Variants in CPSF7 observed in about 807,000 individuals in gnomAD.
CPSF7 encodes cleavage and polyadenylation specificity factor subunit 7.
Under a neutral mutation model 44.3 loss-of-function variants are expected in CPSF7, and 1 was observed. The observed-to-expected ratio is 0.02, with a 90% CI of 0.01 to 0.11. The LOEUF (loss-of-function observed/expected upper bound fraction) is 0.11, where lower values mean the gene tolerates loss of function less well. Ranked by LOEUF, CPSF7 falls within the 10% of genes least tolerant of loss-of-function variation. The probability of loss-of-function intolerance (pLI) is 1.00; values close to 1 mark genes in which losing one functional copy is unlikely to be tolerated. For missense variants in CPSF7, 443 were observed against 607.2 expected, an observed-to-expected ratio of 0.73 and a Z score of 2.84; for synonymous variants, 202 against 222.0, an observed-to-expected ratio of 0.91 and a Z score of 0.80.
At chr11:61,429,639 C>T in intron 1 of CPSF7, 1 of 1,165,752 alleles carries the variant, frequency 8.6e-7, no homozygotes. Flanking sequence ...ACCTGCCTAG[C>T]CCCCAAGGCG....
rs759230141 is a variant in CPSF7 at position 61,429,290 on chromosome 11, A to T, written c.-55T>A. The T allele has an allele frequency of 6.3e-7, 1 of 1,597,764 alleles. No homozygotes were observed. Among genetic ancestry groups the T allele is most frequent in the South Asian group, 1.1e-5 (1 of 90,740 alleles). The stretch of plus-strand genomic sequence containing the variant: ...GGATGGACAAAGTAAGGAAGATGCC[A>T]CTGCGGGATTCGGAAAAATGCAAGA... On this transcript the variant is annotated splice_region_variant and 5_prime_UTR_variant, in exon 2 of 10. Transcript: ENST00000439958.
At chr11:61,420,622 C>T (rs531809889) in intron 3 of CPSF7, 49 bp from the exon 4 acceptor site, 14 of 1,437,640 alleles carry the variant, frequency 9.7e-6, no homozygotes, top group South Asian at 4.6e-5. Context: ...GCTACACCCC[C>T]GCCCGCCAAT....
chr11:61,409,586 T>C (rs1404470910), intron 9 of CPSF7, among the ~76,000 whole-genome samples: 1 of 152,188 alleles, frequency 6.6e-6, no homozygotes, highest in Non-Finnish European at 1.5e-5. Context: ...CCTCTAAACC[T>C]GTTAAAGATA....
chr11:61,412,702 C>A (rs538299849), intron 7 of CPSF7, among the ~76,000 whole-genome samples: 61 of 152,236 alleles, frequency 4.0e-4, no homozygotes, highest in East Asian at 3.9e-3. Flanking sequence ...AGGAGGTAAA[C>A]CTGTATGTAA....
At chr11:61,407,602 G>C (rs1859438868) in intron 9 of CPSF7, among the ~76,000 whole-genome samples, 1 of 152,206 alleles carries the variant, frequency 6.6e-6, no homozygotes. Flanking sequence ...CCTAACTGTT[G>C]ATTCTACATG....
chr11:61,415,295 C>T (rs1860219738), intron 7 of CPSF7, among the ~76,000 whole-genome samples: 1 of 151,964 alleles, frequency 6.6e-6, no homozygotes, highest in African/African-American at 2.4e-5. Context: ...TAAAGAAGAC[C>T]CAGGGTCTAT....
intron 3 of CPSF7, 85 bp downstream of exon 3, chr11:61,421,305 G>A (rs1347220488): frequency 8.5e-7 from 1 of 1,182,854 alleles, no homozygotes; most frequent in Admixed American, 1.9e-5. Flanking sequence ...ACAAAACAGT[G>A]CAACAGTAGT....
At chr11:61,405,195 A>C (rs1279426577) in intron 9 of CPSF7, among the ~76,000 whole-genome samples, 1 of 152,210 alleles carries the variant, frequency 6.6e-6, no homozygotes, top group Admixed American at 6.5e-5. Flanking sequence ...CAAATCCATT[A>C]ATCCCCAAAC....
Position 61,420,540 on chromosome 11 carries a change from G to A in CPSF7, c.307C>T (p.Arg103Cys). 1 of 1,614,070 alleles carries A rather than the reference G, an allele frequency of 6.2e-7. No individual in the cohort carries two copies. Among genetic ancestry groups the A allele is most frequent in the Non-Finnish European group, 8.5e-7 (1 of 1,179,994 alleles). Residue 103 changes from arginine (R) to cysteine (C), a missense_variant, in exon 4 of 10, where the codon CGC (arginine) becomes TGC (cysteine). By Grantham distance (180) the Arg-to-Cys change is radical. Coordinates refer to ENST00000439958, the MANE Select transcript of CPSF7 (RefSeq NM_001142565.3). The part of the protein sequence containing the change: ...TTDQQLIQVI[R>C]SIGVYDVVEL... ...ACCACATCATAGACTCCTATAGAGCGAATAACCTGGATCAGCTGCTGGTCT... is the reference window on the plus strand; with the variant it reads ...ACCACATCATAGACTCCTATAGAGCAAATAACCTGGATCAGCTGCTGGTCT...
At chr11:61,415,642 C>T (rs746465965) in intron 7 of CPSF7, 24 bp downstream of exon 7, 3 of 1,431,064 alleles carry the variant, frequency 2.1e-6, no homozygotes, top group Non-Finnish European at 3.0e-6. Flanking sequence ...AAGGAGAAGG[C>T]AGCAAAGGTA....
intron 9 of CPSF7, chr11:61,406,226 G>C (rs1859305087): frequency 6.6e-6 from 1 of 152,154 alleles, no homozygotes; most frequent in Admixed American, 6.5e-5. Flanking sequence ...CTTCAAGTGG[G>C]CCAATTAGCC....
chr11:61,429,282 A>C lies in CPSF7; in HGVS notation c.-47T>G, dbSNP rs1861699479. ...AGTCCGGAGGATGGACAAAGTAAGG[A>C]AGATGCCACTGCGGGATTCGGAAAA... is the stretch of plus-strand genomic sequence containing the variant. On this transcript the variant is annotated 5_prime_UTR_variant, in exon 2 of 10. Coordinates refer to ENST00000439958, the MANE Select transcript of CPSF7 (RefSeq NM_001142565.3). 2 of 1,606,504 alleles carry C rather than the reference A, an allele frequency of 1.2e-6. No individual in the cohort carries two copies. The highest frequency in any genetic ancestry group is 1.7e-5 in the Admixed American group (1 of 59,986).
chr11:61,427,392 C>A (rs569210441), intron 2 of CPSF7: 1 of 152,092 alleles, frequency 6.6e-6, no homozygotes, highest in African/African-American at 2.4e-5. Context: ...CACGGTGGCT[C>A]ACGCCTGTAA....
In CPSF7 at chr11:61,413,296, T is replaced by C. The variant is rs1167086000; in HGVS notation, c.1058-1359A>G. 6.6e-5 allele frequency among the ~76,000 whole-genome samples: 10 copies of C among 152,206 alleles called. No homozygotes were observed. The East Asian group carries it at 1.9e-3, about 29-fold the overall frequency. Reference sequence around the variant, plus strand: ...CATCAGATGTATGTGTGTATATATATGATATTTACATAAAACATGTATGCG... The same window carrying C: ...CATCAGATGTATGTGTGTATATATACGATATTTACATAAAACATGTATGCG... On this transcript the variant is annotated intron_variant, in intron 7 of 9. Coordinates refer to ENST00000439958, the MANE Select transcript of CPSF7 (RefSeq NM_001142565.3).
At chr11:61,406,641 AGT>A (rs1041872906) in intron 9 of CPSF7, among the ~76,000 whole-genome samples, 1 of 152,264 alleles carries the variant, frequency 6.6e-6, no homozygotes, top group Non-Finnish European at 1.5e-5. Flanking sequence ...GGCCTACACA[AGT>A]CAAATGACTG....
At chr11:61,420,118 G>A (rs200063140) in intron 4 of CPSF7, 24 bp from the exon 5 acceptor site, 2 of 1,569,708 alleles carry the variant, frequency 1.3e-6, no homozygotes, top group Admixed American at 3.7e-5. Flanking sequence ...AATTAAAAAT[G>A]AATGAAATCT....
At chr11:61,416,039 G>A (rs1860304501) in intron 6 of CPSF7, 66 bp downstream of exon 6, 1 of 1,353,094 alleles carries the variant, frequency 7.4e-7, no homozygotes, top group Non-Finnish European at 1.0e-6. Flanking sequence ...ACTTTCTCAG[G>A]GAGAATAAAA....
intron 7 of CPSF7, among the ~76,000 whole-genome samples, chr11:61,415,328 C>T (rs947359116): frequency 6.6e-6 from 1 of 152,164 alleles, no homozygotes; most frequent in Non-Finnish European, 1.5e-5. Context: ...GTCTACTACA[C>T]AGACACTAGA....
intron 8 of CPSF7, among the ~76,000 whole-genome samples, 195 bp from the exon 9 acceptor site, chr11:61,411,300 A>G (rs1489646719): frequency 1.3e-5 from 2 of 152,190 alleles, no homozygotes; most frequent in Non-Finnish European, 2.9e-5. Context: ...TTATCTGTTG[A>G]GAACTAATTT....
Sources: allele counts gnomAD v4.1 joint callset (sites outside exome capture counted in the v4.1 genomes callset), GRCh38; gene constraint gnomAD v4.1.1; transcripts MANE v1.5; gene names NCBI Gene and HGNC (gene_info 2026-07-23, HGNC 2026-07-21).